Variants in CNTN4 observed in about 807,000 individuals in gnomAD.
CNTN4 encodes the protein contactin-4.
Under a neutral mutation model 122.5 loss-of-function variants are expected in CNTN4, and 77 were observed. That is an observed-to-expected ratio of 0.63 (90% CI 0.52 to 0.76). CNTN4 has a LOEUF of 0.76. Among genes scored for constraint, CNTN4 ranks in the 30% least tolerant of loss-of-function variants. CNTN4 has a pLI of 0.00. For synonymous variants in CNTN4, 512 were observed against 447.0 expected, an observed-to-expected ratio of 1.15 and a Z score of -1.83; for missense variants, 1,256 against 1,259.1, an observed-to-expected ratio of 1.00 and a Z score of 0.04.
chr3:2,302,757 C>A lies in CNTN4; in HGVS notation c.-144-36421C>A, dbSNP rs73807705. On this transcript the variant is annotated intron_variant, in intron 2 of 24. Transcript: ENST00000418658. ...GCTAAGGTGATATTGATCACTTTGTCCCATGTGGAAGAACATCTAATGATA... is the reference window on the plus strand; with the variant it reads ...GCTAAGGTGATATTGATCACTTTGTACCATGTGGAAGAACATCTAATGATA... Among the ~76,000 whole-genome samples the A allele has an allele frequency of 5.7e-3, 868 of 152,252 alleles. 16 individuals are homozygous for A. The highest frequency in any genetic ancestry group is 0.02 in the African/African-American group (812 of 41,538).
Position 2,164,359 on chromosome 3 carries a change from T to C in CNTN4, c.-145+63720T>C, listed in dbSNP as rs146693731. Reference sequence around the variant, plus strand: ...ATAACTGTAAGTAAAAAAGAGGTTTTATAAGAGAGAGGATGACGCACATAG... The same window carrying C: ...ATAACTGTAAGTAAAAAAGAGGTTTCATAAGAGAGAGGATGACGCACATAG... On this transcript the variant is annotated intron_variant, in intron 2 of 24. Transcript: ENST00000418658. Among the ~76,000 whole-genome samples the C allele has an allele frequency of 1.1e-3, 160 of 152,194 alleles. 1 individual carries two copies. The highest frequency in any genetic ancestry group is 3.5e-3 in the African/African-American group (145 of 41,550).
chr3:2,726,205 A>G lies in CNTN4; in HGVS notation c.56-10010A>G, dbSNP rs139963564. 4.4e-3 allele frequency among the ~76,000 whole-genome samples: 675 copies of G among 152,294 alleles called. 11 individuals carry two copies. The highest frequency in any genetic ancestry group is 0.016 in the African/African-American group (647 of 41,568). On this transcript the variant is annotated intron_variant, in intron 4 of 24. Coordinates refer to ENST00000418658, the MANE Select transcript of CNTN4 (RefSeq NM_175607.3). Reference sequence around the variant, plus strand: ...CTTCTGTAAGCAATTCTAGACTACAAAAGGGTTTTTTCCTTGTAGTTTTAT... The same window carrying G: ...CTTCTGTAAGCAATTCTAGACTACAGAAGGGTTTTTTCCTTGTAGTTTTAT...
intron 4 of CNTN4, among the ~76,000 whole-genome samples, chr3:2,619,875 T>G (rs1480105781): frequency 1.3e-5 from 2 of 152,236 alleles, no homozygotes; most frequent in Non-Finnish European, 2.9e-5. Flanking sequence ...ATTTTCCTCA[T>G]CAGAACTCAG....
intron 3 of CNTN4, chr3:2,362,667 A>T: frequency 2.5e-6 from 1 of 398,578 alleles, no homozygotes; most frequent in Non-Finnish European, 4.8e-6. Flanking sequence ...CAATGATGAG[A>T]AGCTGGGTGA....
chr3:2,880,894 G>A (rs1345824815), intron 8 of CNTN4, among the ~76,000 whole-genome samples: 1 of 152,122 alleles, frequency 6.6e-6, no homozygotes, highest in East Asian at 1.9e-4. Context: ...GGAGGGATAA[G>A]CGTCCCTTCA....
chr3:2,540,805 T>C (rs2078002478), intron 3 of CNTN4, among the ~76,000 whole-genome samples: 1 of 152,156 alleles, frequency 6.6e-6, no homozygotes, highest in Non-Finnish European at 1.5e-5. Flanking sequence ...ATCCTGTGCT[T>C]ACTTAACTTT....
chr3:2,543,751 A>C (rs1347093183), intron 3 of CNTN4, among the ~76,000 whole-genome samples: 1 of 152,184 alleles, frequency 6.6e-6, no homozygotes, highest in African/African-American at 2.4e-5. Context: ...CTGAATTAAG[A>C]ATCACAATGA....
chr3:2,780,196 C>T (rs950323694), intron 6 of CNTN4, among the ~76,000 whole-genome samples: 3 of 152,164 alleles, frequency 2.0e-5, no homozygotes, highest in Non-Finnish European at 4.4e-5. Flanking sequence ...AATGTTGAAA[C>T]AGAATGATAT....
intron 13 of CNTN4, among the ~76,000 whole-genome samples, chr3:2,952,879 C>A (rs150504791): frequency 1.3e-5 from 2 of 152,094 alleles, no homozygotes; most frequent in African/African-American, 4.8e-5. Context: ...ATAGCAACAG[C>A]GAGGATTTGT....
chr3:2,581,754 GT>G lies in CNTN4; in HGVS notation c.55+10197del, dbSNP rs1321913517. Among the ~76,000 whole-genome samples the G allele has an allele frequency of 2.0e-5, 3 of 152,122 alleles. No individual in the cohort carries two copies. In the East Asian group the frequency reaches 5.8e-4, roughly 29 times the overall value. ...GCCAAAAAGTGGGAACAATCCAAAT[GT>G]CTATCAATTGATAAATAAGTAAAAA... On this transcript the variant is annotated intron_variant, in intron 4 of 24. Coordinates refer to ENST00000418658, the MANE Select transcript of CNTN4 (RefSeq NM_175607.3).
chr3:3,023,822 A>G (rs1380633799), intron 14 of CNTN4, among the ~76,000 whole-genome samples: 1 of 152,202 alleles, frequency 6.6e-6, no homozygotes, highest in African/African-American at 2.4e-5. Flanking sequence ...TTGACTACAC[A>G]TAGGAGTGTA....
intron 5 of CNTN4, 87 bp from the exon 6 acceptor site, chr3:2,745,435 C>G: frequency 9.1e-7 from 1 of 1,095,502 alleles, no homozygotes; most frequent in Non-Finnish European, 1.4e-6. Context: ...ATTTTTCATG[C>G]TATTTATAGT....
chr3:3,022,071 CAAAAA>C (rs36094888), intron 14 of CNTN4, among the ~76,000 whole-genome samples: 2 of 110,630 alleles, frequency 1.8e-5, no homozygotes, highest in Non-Finnish European at 1.8e-5. Flanking sequence ...ACCAAGAATT[CAAAAA>C]AAAAAAAAAA....
intron 4 of CNTN4, among the ~76,000 whole-genome samples, chr3:2,686,445 C>T (rs941351176): frequency 1.4e-4 from 22 of 152,228 alleles, no homozygotes; most frequent in African/African-American, 4.6e-4. Context: ...TATAGTTTCC[C>T]GGTTACTGCA....
intron 4 of CNTN4, among the ~76,000 whole-genome samples, chr3:2,665,741 C>T (rs966187920): frequency 1.3e-5 from 2 of 152,156 alleles, no homozygotes; most frequent in African/African-American, 2.4e-5. Context: ...CAATCAATCA[C>T]AGTGGGGCAA....
chr3:2,452,604 A>G (rs970341511), intron 3 of CNTN4, among the ~76,000 whole-genome samples: 1 of 152,166 alleles, frequency 6.6e-6, no homozygotes, highest in Admixed American at 6.5e-5. Flanking sequence ...ACTTAAATGC[A>G]TCCATACTTT....
chr3:2,768,441 T>C (rs1228616654), intron 6 of CNTN4, among the ~76,000 whole-genome samples: 1 of 152,228 alleles, frequency 6.6e-6, no homozygotes, highest in East Asian at 1.9e-4. Flanking sequence ...TGAAATTGTA[T>C]TGGTAGAAAC....
At chr3:2,760,061 T>A (rs12152402) in intron 6 of CNTN4, among the ~76,000 whole-genome samples, 1 of 151,978 alleles carries the variant, frequency 6.6e-6, no homozygotes, top group Non-Finnish European at 1.5e-5. Flanking sequence ...AATATTTCTT[T>A]GTATATTCCT....
At chr3:2,633,874 G>A (rs1285855926) in intron 4 of CNTN4, among the ~76,000 whole-genome samples, 2 of 152,176 alleles carry the variant, frequency 1.3e-5, no homozygotes, top group African/African-American at 2.4e-5. Flanking sequence ...GGGATACTGA[G>A]AGTAAAGTAG....
Sources: gnomAD v4.1 joint callset for allele counts (sites outside exome capture counted in the v4.1 genomes callset) on GRCh38, gnomAD v4.1.1 for gene constraint, MANE v1.5 for transcripts, NCBI Gene and HGNC (gene_info 2026-07-23, HGNC 2026-07-21) for gene names.